CSMD1: variants seen among roughly 807,000 people sequenced by gnomAD.
The protein encoded by CSMD1 is CUB and sushi domain-containing protein 1.
A neutral mutation model predicts 417.5 loss-of-function variants in CSMD1; 213 were observed. The ratio of observed to expected loss-of-function variants is 0.51; its 90% CI spans 0.46 to 0.57. The LOEUF (loss-of-function observed/expected upper bound fraction) is 0.57, where lower values mean the gene tolerates loss of function less well. Among genes scored for constraint, CSMD1 ranks in the 20% least tolerant of loss-of-function variants. The pLI is 0.00. For missense variants in CSMD1, 6,923 were observed against 4,529.7 expected, an observed-to-expected ratio of 1.53 and a Z score of -15.17; for synonymous variants, 2,862 against 1,736.8, an observed-to-expected ratio of 1.65 and a Z score of -16.11.
chr8:4,111,443 C>G (rs1051542161), intron 3 of CSMD1, among the ~76,000 whole-genome samples: 1 of 151,694 alleles, frequency 6.6e-6, no homozygotes, highest in Non-Finnish European at 1.5e-5. Flanking sequence ...GGATATATAC[C>G]CAGTAATGGG....
chr8:3,513,245 C>G (rs1347665172), intron 10 of CSMD1, among the ~76,000 whole-genome samples: 2 of 151,992 alleles, frequency 1.3e-5, no homozygotes, highest in African/African-American at 4.8e-5. Flanking sequence ...CCTAGTTTTC[C>G]CCTATTTGGA....
At chr8:4,464,846 A>T in intron 2 of CSMD1, among the ~76,000 whole-genome samples, 1 of 152,150 alleles carries the variant, frequency 6.6e-6, no homozygotes, top group Middle Eastern at 3.4e-3. Flanking sequence ...TATGATCCCA[A>T]TTTACCCTGC....
At chr8:3,638,000 A>G (rs2449193) in intron 7 of CSMD1, among the ~76,000 whole-genome samples, 2 of 152,168 alleles carry the variant, frequency 1.3e-5, no homozygotes, top group African/African-American at 4.8e-5. Context: ...TGGAACCATG[A>G]GTCCATTAAA....
chr8:4,360,837 G>A (rs536347973), intron 3 of CSMD1, among the ~76,000 whole-genome samples: 23 of 152,004 alleles, frequency 1.5e-4, no homozygotes, highest in African/African-American at 5.3e-4. Context: ...AATTAATCAC[G>A]GAGCTTCTGG....
At chr8:4,529,331 C>A (rs1307734756) in intron 2 of CSMD1, among the ~76,000 whole-genome samples, 5 of 152,140 alleles carry the variant, frequency 3.3e-5, no homozygotes, top group African/African-American at 1.2e-4. Flanking sequence ...TTACAAGAAT[C>A]CAGCTGTCTG....
chr8:3,277,376 T>A (rs13264263), intron 26 of CSMD1, among the ~76,000 whole-genome samples: 1 of 151,908 alleles, frequency 6.6e-6, no homozygotes, highest in Non-Finnish European at 1.5e-5. Context: ...CGCAGGTGCA[T>A]GAAGAAGGAA....
At chr8:4,108,410 C>G (rs1280921763) in intron 3 of CSMD1, among the ~76,000 whole-genome samples, 3 of 152,134 alleles carry the variant, frequency 2.0e-5, no homozygotes, top group Non-Finnish European at 4.4e-5. Flanking sequence ...TCATAGCATA[C>G]GACAAAGTGA....
intron 3 of CSMD1, among the ~76,000 whole-genome samples, chr8:4,136,573 G>A (rs764364574): frequency 9.2e-5 from 14 of 152,168 alleles, no homozygotes; most frequent in African/African-American, 1.4e-4. Context: ...CTAATTTACA[G>A]TATTTCAGAA....
intron 6 of CSMD1, among the ~76,000 whole-genome samples, chr8:3,708,830 A>G (rs1158056909): frequency 1.3e-5 from 2 of 152,202 alleles, no homozygotes; most frequent in Non-Finnish European, 2.9e-5. Context: ...CAGATCACTC[A>G]CTTCATGTAT....
intron 3 of CSMD1, among the ~76,000 whole-genome samples, chr8:4,129,690 G>T (rs1373489605): frequency 6.6e-6 from 1 of 152,018 alleles, no homozygotes; most frequent in East Asian, 1.9e-4. Flanking sequence ...ATGACATTTT[G>T]TTATACAAGT....
intron 5 of CSMD1, among the ~76,000 whole-genome samples, chr8:3,855,859 A>G (rs1268283799): frequency 6.6e-6 from 1 of 152,162 alleles, no homozygotes; most frequent in Non-Finnish European, 1.5e-5. Context: ...TGCATTTATT[A>G]TGACACTTTG....
At chr8:3,579,616 A>G (rs1158489953) in intron 9 of CSMD1, among the ~76,000 whole-genome samples, 1 of 152,224 alleles carries the variant, frequency 6.6e-6, no homozygotes, top group African/African-American at 2.4e-5. Context: ...ATAATATATC[A>G]CAGAGGCTAA....
intron 2 of CSMD1, among the ~76,000 whole-genome samples, chr8:4,460,539 CCTT>C (rs1371341789): frequency 6.6e-6 from 1 of 151,836 alleles, no homozygotes; most frequent in African/African-American, 2.4e-5. Context: ...AATTTTTAAA[CCTT>C]CTACAAAATT....
chr8:4,468,019 A>G lies in CSMD1; in HGVS notation c.303-47954T>C, dbSNP rs74528631. ...TGTAGATTTGTGTAGTGATAACCCC[A>G]TCTCTCACATGGGTTACTCAACAGG... On this transcript the variant is annotated intron_variant, in intron 2 of 69. Transcript: ENST00000635120. 1.3e-3 allele frequency among the ~76,000 whole-genome samples: 205 copies of G among 151,990 alleles called. 1 individual carries two copies. The highest frequency in any genetic ancestry group is 4.5e-3 in the African/African-American group (188 of 41,330).
At chr8:3,323,706 G>T (rs1006868114) in intron 23 of CSMD1, among the ~76,000 whole-genome samples, 3 of 152,090 alleles carry the variant, frequency 2.0e-5, no homozygotes, top group African/African-American at 4.8e-5. Flanking sequence ...GCAGAGCCAA[G>T]AGGCCCACAT....
intron 1 of CSMD1, among the ~76,000 whole-genome samples, chr8:4,941,585 G>C (rs1199506088): frequency 1.3e-5 from 2 of 150,084 alleles, no homozygotes; most frequent in Non-Finnish European, 3.0e-5. Context: ...GAAACAATCA[G>C]TTTTTTTTAA....
intron 37 of CSMD1, among the ~76,000 whole-genome samples, chr8:3,175,465 TCC>T (rs1820854423): frequency 2.0e-5 from 1 of 49,038 alleles, no homozygotes; most frequent in Admixed American, 2.7e-4. Flanking sequence ...CTTCTTTCCT[TCC>T]TTCTTTTCCC....
At chr8:4,096,878 C>G (rs1473856873) in intron 3 of CSMD1, among the ~76,000 whole-genome samples, 1 of 152,134 alleles carries the variant, frequency 6.6e-6, no homozygotes, top group Non-Finnish European at 1.5e-5. Context: ...AGCCATCTTG[C>G]AATTTTAAAG....
rs141406537 is a variant in CSMD1, at chr8:4,814,844, CTT to C, written c.86-177288_86-177287del. 6.6e-3 allele frequency among the ~76,000 whole-genome samples: 1,004 copies of C among 152,202 alleles called. 13 individuals carry two copies. Among genetic ancestry groups the C allele is most frequent in the African/African-American group, 0.022 (925 of 41,520 alleles). ...CCCCAAAATTATAATACTGCGGACT[CTT>C]AATCATTTGTTAGATACTATTAGCT... is the stretch of plus-strand genomic sequence containing the variant. On this transcript the variant is annotated intron_variant, in intron 1 of 69. Transcript: ENST00000635120.
Sources: allele counts gnomAD v4.1 joint callset (sites outside exome capture counted in the v4.1 genomes callset), GRCh38; gene constraint gnomAD v4.1.1; transcripts MANE v1.5; gene names NCBI Gene and HGNC (gene_info 2026-07-23, HGNC 2026-07-21).